Variants in CCDC192 observed in about 807,000 individuals in gnomAD.
CCDC192 encodes the protein coiled-coil domain containing 192.
intron 3 of CCDC192, among the ~76,000 whole-genome samples, chr5:127,756,038 C>T (rs1754566790): frequency 6.6e-6 from 1 of 151,536 alleles, no homozygotes; most frequent in Non-Finnish European, 1.5e-5. Context: ...GAGGCTGAGG[C>T]AGGAGAATGG....
At chr5:127,738,962 T>C (rs1753210160) in intron 2 of CCDC192, among the ~76,000 whole-genome samples, 1 of 151,864 alleles carries the variant, frequency 6.6e-6, no homozygotes, top group Non-Finnish European at 1.5e-5. Context: ...CTTTGTTCCG[T>C]TGCTGGTGAG....
intron 2 of CCDC192, among the ~76,000 whole-genome samples, chr5:127,717,099 C>G (rs1241823294): frequency 1.3e-5 from 2 of 152,266 alleles, no homozygotes; most frequent in Admixed American, 6.5e-5. Flanking sequence ...GTCATTGTAA[C>G]TGACAGCCCT....
chr5:127,795,827 T>A (rs896972937), intron 3 of CCDC192, among the ~76,000 whole-genome samples: 4 of 152,038 alleles, frequency 2.6e-5, no homozygotes, highest in Non-Finnish European at 4.4e-5. Context: ...TACACTATAC[T>A]GTGTCTCTAA....
chr5:127,870,650 C>T lies in CCDC192; in HGVS notation c.412-4888C>T, dbSNP rs569985747. Among the ~76,000 whole-genome samples, 24 of 152,236 alleles carry T rather than the reference C, an allele frequency of 1.6e-4. 1 individual carries two copies. The South Asian group carries it at 3.3e-3, about 21-fold the overall frequency. Reference sequence around the variant, plus strand: ...AGTGGCTGCTGAAAGTGCGACTAAACGATTGTGAATCCAGGGGTGCAACAC... The same window carrying T: ...AGTGGCTGCTGAAAGTGCGACTAAATGATTGTGAATCCAGGGGTGCAACAC... On this transcript the variant is annotated intron_variant, in intron 5 of 6. Transcript: ENST00000514853.
chr5:127,703,502 A>T lies in CCDC192; in HGVS notation c.57A>T (p.Arg19Ser). The change falls in exon 1 of 7, where the codon AGA (arginine) becomes AGT (serine). Residue 19 changes from arginine to serine, a missense_variant. Coordinates refer to ENST00000514853, the MANE Select transcript of CCDC192 (RefSeq NM_001317938.2). ...TCCCAGAGTCTGACACCTCAGAGAGAAGCAGGTGAGTTCCCAGCTCCTCTC... is the reference window on the plus strand; with the variant it reads ...TCCCAGAGTCTGACACCTCAGAGAGTAGCAGGTGAGTTCCCAGCTCCTCTC... ...SVVPESDTSERSSMTSGSSES... is the reference protein window; with the variant it reads ...SVVPESDTSESSSMTSGSSES... 2.5e-6 allele frequency: 1 copy of T among 398,934 alleles called. No individual in the cohort carries two copies. Among genetic ancestry groups the T allele is most frequent in the Non-Finnish European group, 4.4e-6 (1 of 226,026 alleles). The allele number at this position is 398,934 out of a possible 1,614,324, so 24.7% of individuals were successfully genotyped here.
chr5:127,930,221 A>G (rs1753983825), intron 6 of CCDC192, among the ~76,000 whole-genome samples: 1 of 79,564 alleles, frequency 1.3e-5, no homozygotes, highest in East Asian at 6.0e-4. Flanking sequence ...ACTAAACTAA[A>G]CTAAACTAAA....
chr5:127,747,322 G>A (rs1366220135), intron 2 of CCDC192, among the ~76,000 whole-genome samples: 1 of 150,088 alleles, frequency 6.7e-6, no homozygotes, highest in African/African-American at 2.5e-5. Context: ...TGATCTCATT[G>A]TTCAATTCCC....
At chr5:127,870,239 A>T (rs956603568) in intron 5 of CCDC192, among the ~76,000 whole-genome samples, 4 of 152,206 alleles carry the variant, frequency 2.6e-5, no homozygotes, top group Non-Finnish European at 4.4e-5. Flanking sequence ...GAGTGCCCTT[A>T]GCTGGGTTCA....
intron 2 of CCDC192, among the ~76,000 whole-genome samples, chr5:127,732,660 G>C (rs1251017088): frequency 6.6e-6 from 1 of 152,200 alleles, no homozygotes; most frequent in Non-Finnish European, 1.5e-5. Flanking sequence ...GTACTATGCA[G>C]TCATAAAAAG....
chr5:127,900,189 G>A (rs1308071934), intron 6 of CCDC192, among the ~76,000 whole-genome samples: 2 of 152,186 alleles, frequency 1.3e-5, no homozygotes, highest in East Asian at 1.9e-4. Context: ...CCGGAATAGC[G>A]TTACAAAATT....
intron 2 of CCDC192, among the ~76,000 whole-genome samples, chr5:127,728,659 T>A (rs1752468759): frequency 6.6e-6 from 1 of 152,146 alleles, no homozygotes; most frequent in Non-Finnish European, 1.5e-5. Flanking sequence ...AATAACCAGC[T>A]AGCATAATGG....
intron 2 of CCDC192, among the ~76,000 whole-genome samples, chr5:127,715,029 T>C (rs1167000193): frequency 1.3e-5 from 2 of 152,112 alleles, no homozygotes; most frequent in Admixed American, 6.5e-5. Flanking sequence ...TATTAACGCC[T>C]TGTCAGATGC....
Position 127,834,390 on chromosome 5 carries a change from C to T in CCDC192, c.411+36228C>T, listed in dbSNP as rs553737456. Among the ~76,000 whole-genome samples the T allele has an allele frequency of 5.1e-4, 78 of 152,238 alleles. 1 individual carries two copies. The highest frequency in any genetic ancestry group is 1.7e-3 in the African/African-American group (72 of 41,548). On this transcript the variant is annotated intron_variant, in intron 5 of 6. Coordinates refer to ENST00000514853, the MANE Select transcript of CCDC192 (RefSeq NM_001317938.2). ...CTCATCAACTGAATACTCCCATGCA[C>T]GGTGTACAGATGGACATGTAAATAA...
At chr5:127,861,641 G>A (rs548502330) in intron 5 of CCDC192, among the ~76,000 whole-genome samples, 2 of 152,062 alleles carry the variant, frequency 1.3e-5, no homozygotes, top group Admixed American at 6.5e-5. Flanking sequence ...GCGACAAAGC[G>A]AGACTCCTTC....
chr5:127,833,717 A>G lies in CCDC192; in HGVS notation c.411+35555A>G, dbSNP rs896920504. Among the ~76,000 whole-genome samples, 9 of 152,128 alleles carry G rather than the reference A, an allele frequency of 5.9e-5. No individual in the cohort carries two copies. The East Asian group carries it at 1.3e-3, about 23-fold the overall frequency. On this transcript the variant is annotated intron_variant, in intron 5 of 6. Coordinates refer to ENST00000514853, the MANE Select transcript of CCDC192 (RefSeq NM_001317938.2). ...ATAAACCTATGAATAGAAAACCTAT[A>G]TTTTCTAGATTTGCAAGATCAGATC...
intron 6 of CCDC192, among the ~76,000 whole-genome samples, chr5:127,897,495 CAG>C (rs976695692): frequency 2.0e-5 from 3 of 152,140 alleles, no homozygotes; most frequent in African/African-American, 7.2e-5. Context: ...GTGCTTATGA[CAG>C]AGCAATTCTT....
At chr5:127,719,919 C>A (rs1026198474) in intron 2 of CCDC192, among the ~76,000 whole-genome samples, 27 of 151,892 alleles carry the variant, frequency 1.8e-4, no homozygotes, top group Non-Finnish European at 2.9e-4. Context: ...GGATGTCCAC[C>A]CCCCGATCCA....
chr5:127,812,112 G>A (rs1025179278), intron 5 of CCDC192, among the ~76,000 whole-genome samples: 1 of 152,162 alleles, frequency 6.6e-6, no homozygotes, highest in African/African-American at 2.4e-5. Context: ...CTAGCTCACC[G>A]ATTTGTCATG....
intron 5 of CCDC192, among the ~76,000 whole-genome samples, chr5:127,816,326 A>G (rs1467979991): frequency 6.6e-6 from 1 of 152,176 alleles, no homozygotes; most frequent in Non-Finnish European, 1.5e-5. Context: ...GCAGACAGAG[A>G]TTTGCTAGGA....
Sources: gnomAD v4.1 joint callset for allele counts (sites outside exome capture counted in the v4.1 genomes callset) on GRCh38, gnomAD v4.1.1 for gene constraint, MANE v1.5 for transcripts, NCBI Gene and HGNC (gene_info 2026-07-23, HGNC 2026-07-21) for gene names.